The following DCC variants were observed in gnomAD, a reference collection of about 807,000 sequenced individuals.
DCC encodes the protein netrin receptor DCC.
In DCC, 58 loss-of-function variants were observed where a neutral mutation model predicts 172.5. The observed-to-expected ratio is 0.34, with a 90% CI of 0.27 to 0.42. The LOEUF (loss-of-function observed/expected upper bound fraction) is 0.42, where lower values mean the gene tolerates loss of function less well. DCC is among the 10% of genes least tolerant of loss of function. DCC has a pLI of 1.00. For missense variants in DCC, 1,740 were observed against 1,791.0 expected (o/e 0.97, Z 0.51); for synonymous variants, 709 against 644.5 (o/e 1.10, Z -1.52).
At chr18:52,741,213 T>C (rs2036817548) in intron 1 of DCC, among the ~76,000 whole-genome samples, 1 of 152,218 alleles carries the variant, frequency 6.6e-6, no homozygotes, top group Non-Finnish European at 1.5e-5. Context: ...CTATTGACTC[T>C]ATCTTTAAAA....
intron 1 of DCC, among the ~76,000 whole-genome samples, chr18:52,397,743 G>T (rs1258792410): frequency 1.3e-5 from 2 of 151,966 alleles, no homozygotes; most frequent in Non-Finnish European, 2.9e-5. Context: ...ATTAGAGTCT[G>T]CCAGTGGTAT....
At chr18:53,197,754 A>G (rs1038317414) in intron 9 of DCC, among the ~76,000 whole-genome samples, 1 of 152,122 alleles carries the variant, frequency 6.6e-6, no homozygotes, top group Non-Finnish European at 1.5e-5. Flanking sequence ...ATGAAAAATC[A>G]TAATTTAGGT....
At chr18:52,496,783 A>G (rs959384465) in intron 1 of DCC, among the ~76,000 whole-genome samples, 4 of 152,064 alleles carry the variant, frequency 2.6e-5, no homozygotes, top group Non-Finnish European at 5.9e-5. Flanking sequence ...GCAATACCCA[A>G]TCTGTTTCTC....
At chr18:52,997,088 A>G (rs145089388) in intron 5 of DCC, among the ~76,000 whole-genome samples, 32 of 152,172 alleles carry the variant, frequency 2.1e-4, no homozygotes, top group African/African-American at 7.5e-4. Flanking sequence ...AAGCCAAACC[A>G]TTAAGACATT....
At chr18:53,281,163 T>C (rs1324010610) in intron 12 of DCC, among the ~76,000 whole-genome samples, 1 of 152,180 alleles carries the variant, frequency 6.6e-6, no homozygotes, top group Non-Finnish European at 1.5e-5. Context: ...ACTGGGTAAT[T>C]GAAAACAGTA....
intron 7 of DCC, among the ~76,000 whole-genome samples, chr18:53,140,261 C>T (rs747537527): frequency 1.3e-5 from 2 of 152,004 alleles, no homozygotes; most frequent in African/African-American, 2.4e-5. Flanking sequence ...ATTAGAAAAA[C>T]ATATGTTAAA....
At chr18:52,737,498 C>A (rs913111380) in intron 1 of DCC, among the ~76,000 whole-genome samples, 2 of 152,092 alleles carry the variant, frequency 1.3e-5, no homozygotes, top group African/African-American at 4.8e-5. Context: ...ATTTTCTCAT[C>A]CTGTGGGAGC....
At chr18:52,510,063 C>T (rs2031377655) in intron 1 of DCC, among the ~76,000 whole-genome samples, 1 of 151,636 alleles carries the variant, frequency 6.6e-6, no homozygotes, top group South Asian at 2.1e-4. Flanking sequence ...GAGATAGCAC[C>T]ACTGCACTCC....
At position 52,560,545 on chromosome 18, in the gene DCC, T is replaced by C. The variant is rs1412204924; in HGVS notation, c.92-191509T>C. On this transcript the variant is annotated intron_variant, in intron 1 of 28. Coordinates refer to ENST00000442544, the MANE Select transcript of DCC (RefSeq NM_005215.4). The stretch of plus-strand genomic sequence containing the variant: ...TGAACTAGTGAGCTCTCCCAGATAG[T>C]CTCCCACTTCATCCTTCTGTAGAAT... Among the ~76,000 whole-genome samples the C allele has an allele frequency of 2.6e-5, 4 of 152,032 alleles. No individual in the cohort carries two copies. The East Asian group carries it at 7.7e-4, about 29-fold the overall frequency.
intron 5 of DCC, among the ~76,000 whole-genome samples, chr18:53,010,608 G>A (rs770250899): frequency 6.6e-6 from 1 of 150,590 alleles, no homozygotes; most frequent in African/African-American, 2.4e-5. Context: ...TATATTTAGA[G>A]TTAGGCCTAA....
rs139798502 is a variant in DCC at position 52,698,277 on chromosome 18, A to G, written c.92-53777A>G. Among the ~76,000 whole-genome samples the G allele has an allele frequency of 4.6e-3, 693 of 152,296 alleles. 8 individuals are homozygous for G. The highest frequency in any genetic ancestry group is 0.016 in the African/African-American group (651 of 41,568). ...GAAAAGACCTGCCATTTTTACTTGA[A>G]CTTCTTGAAAATGTTGAGCTTCTTA... On this transcript the variant is annotated intron_variant, in intron 1 of 28. Coordinates refer to ENST00000442544, the MANE Select transcript of DCC (RefSeq NM_005215.4).
At chr18:53,302,674 A>G (rs2057155242) in intron 12 of DCC, among the ~76,000 whole-genome samples, 1 of 152,146 alleles carries the variant, frequency 6.6e-6, no homozygotes, top group African/African-American at 2.4e-5. Context: ...TACTGTCCTT[A>G]GCATATATTC....
intron 12 of DCC, among the ~76,000 whole-genome samples, chr18:53,304,558 T>C (rs1357565390): frequency 6.6e-6 from 1 of 152,106 alleles, no homozygotes; most frequent in Non-Finnish European, 1.5e-5. Flanking sequence ...TCTCTGAAAC[T>C]TTGGCCTCTG....
At chr18:52,498,188 G>C (rs1182672286) in intron 1 of DCC, among the ~76,000 whole-genome samples, 2 of 152,144 alleles carry the variant, frequency 1.3e-5, no homozygotes, top group African/African-American at 4.8e-5. Flanking sequence ...CACAAGAACA[G>C]GTGGTGGGCC....
At position 53,128,860 on chromosome 18, in the gene DCC, CACACACACACATATATAT is replaced by C. The variant is rs1181212711; in HGVS notation, c.1262-28494_1262-28477del. Among the ~76,000 whole-genome samples the C allele has an allele frequency of 2.8e-3, 223 of 79,304 alleles. 1 individual carries two copies. The highest frequency in any genetic ancestry group is 9.9e-3 in the African/African-American group (211 of 21,222). 52.0% of individuals were successfully genotyped at this position (79,304 alleles called of 152,430 possible). A position where few individuals can be genotyped will look rare whatever the true frequency, so the allele number is the denominator to read the frequency against. On this transcript the variant is annotated intron_variant, in intron 7 of 28. Transcript: ENST00000442544. ...ACACACACACACACACACACACACA[CACACACACACATATATAT>C]ATATATATATATATATATATATATA...
At chr18:53,272,299 A>G (rs753790110) in intron 12 of DCC, among the ~76,000 whole-genome samples, 60 of 152,174 alleles carry the variant, frequency 3.9e-4, no homozygotes, top group Non-Finnish European at 8.2e-4. Context: ...AAGGAAATAT[A>G]TAGGATTTAT....
chr18:52,849,362 T>G (rs548460467), intron 2 of DCC, among the ~76,000 whole-genome samples: 1 of 152,304 alleles, frequency 6.6e-6, no homozygotes, highest in African/African-American at 2.4e-5. Flanking sequence ...ACTGATTCCC[T>G]GCCAGTCTCT....
At chr18:52,718,732 G>C (rs2036428339) in intron 1 of DCC, among the ~76,000 whole-genome samples, 1 of 152,164 alleles carries the variant, frequency 6.6e-6, no homozygotes. Flanking sequence ...GTAATTCCAA[G>C]ATTCTGTTTC....
At chr18:52,790,812 T>A (rs1021927564) in intron 2 of DCC, among the ~76,000 whole-genome samples, 3 of 152,174 alleles carry the variant, frequency 2.0e-5, no homozygotes, top group Non-Finnish European at 4.4e-5. Context: ...ACAGTTGGGG[T>A]TAAGCTTTGG....
Sources: gnomAD v4.1 joint callset for allele counts (sites outside exome capture counted in the v4.1 genomes callset) on GRCh38, gnomAD v4.1.1 for gene constraint, MANE v1.5 for transcripts, NCBI Gene and HGNC (gene_info 2026-07-23, HGNC 2026-07-21) for gene names.